Variants in RBPJ observed in about 807,000 individuals in gnomAD.
The protein encoded by RBPJ is recombining binding protein suppressor of hairless.
RBPJ carries 9 observed loss-of-function variants against 67.8 expected under a neutral mutation model. That is an observed-to-expected ratio of 0.13 (90% confidence interval 0.08 to 0.23). The LOEUF is 0.23. Among genes scored for constraint, RBPJ ranks in the 10% least tolerant of loss-of-function variants. The probability of loss-of-function intolerance (pLI) is 1.00; values close to 1 mark genes in which losing one functional copy is unlikely to be tolerated. For synonymous variants in RBPJ, 198 were observed against 203.3 expected, an observed-to-expected ratio of 0.97 and a Z score of 0.22; for missense variants, 305 against 595.6, an observed-to-expected ratio of 0.51 and a Z score of 5.08.
At chr4:26,330,878 T>A (rs937608222) in intron 1 of RBPJ, among the ~76,000 whole-genome samples, 1 of 152,246 alleles carries the variant, frequency 6.6e-6, no homozygotes, top group Non-Finnish European at 1.5e-5. Flanking sequence ...ACATACCATC[T>A]AATGGTAACT....
At chr4:26,412,798 G>A (rs1360976143) in intron 3 of RBPJ, 2 of 152,086 alleles carry the variant, frequency 1.3e-5, no homozygotes, top group Non-Finnish European at 1.5e-5. Flanking sequence ...GCCAACCTAG[G>A]TATTTGACTC....
the RBPJ span, among the ~76,000 whole-genome samples, chr4:26,143,739 C>A: frequency 6.6e-6 from 1 of 152,140 alleles, no homozygotes; most frequent in Non-Finnish European, 1.5e-5. Context: ...CCAGCCTGGA[C>A]AACATGGCAA....
chr4:26,333,749 G>C (rs114202732), intron 1 of RBPJ, among the ~76,000 whole-genome samples: 1,530 of 152,046 alleles, frequency 0.01, 22 homozygotes, highest in African/African-American at 0.032. Context: ...GAATACAGTG[G>C]CAAAATCACA....
chr4:26,155,406 T>A, the RBPJ span, among the ~76,000 whole-genome samples: 1 of 151,700 alleles, frequency 6.6e-6, no homozygotes, highest in South Asian at 2.1e-4. Flanking sequence ...CTGCTCACCT[T>A]TTTCTCTTTT....
chr4:26,297,412 GA>G (rs1721916925), intron 1 of RBPJ, among the ~76,000 whole-genome samples: 1 of 151,980 alleles, frequency 6.6e-6, no homozygotes, highest in Admixed American at 6.6e-5. Context: ...GTATGGGGGG[GA>G]TGTATAGGGA....
intron 1 of RBPJ, among the ~76,000 whole-genome samples, chr4:26,289,479 G>T (rs1317943865): frequency 6.7e-6 from 1 of 150,160 alleles, no homozygotes; most frequent in East Asian, 2.0e-4. Context: ...AATAAATTTG[G>T]TTCAGATCTT....
At chr4:26,410,572 C>G (rs1011000149) in intron 3 of RBPJ, among the ~76,000 whole-genome samples, 8 of 152,108 alleles carry the variant, frequency 5.3e-5, no homozygotes, top group African/African-American at 1.9e-4. Flanking sequence ...TAGACTGATT[C>G]TGAAGTCATA....
upstream of RBPJ, chr4:26,319,642 G>A: frequency 3.3e-6 from 2 of 611,194 alleles, no homozygotes; most frequent in South Asian, 3.8e-5. Context: ...TCCCACGGCC[G>A]TGTTGTGTCT....
intron 1 of RBPJ, among the ~76,000 whole-genome samples, chr4:26,266,886 A>G (rs777048089): frequency 5.3e-5 from 8 of 152,200 alleles, no homozygotes; most frequent in Non-Finnish European, 1.2e-4. Context: ...AAAAGTTATT[A>G]GTGTTAGTTA....
chr4:26,301,491 C>A (rs1722076107), intron 1 of RBPJ, among the ~76,000 whole-genome samples: 2 of 151,322 alleles, frequency 1.3e-5, no homozygotes, highest in South Asian at 4.2e-4. Flanking sequence ...ACTCGGGAGG[C>A]TGAGGCAGGA....
intron 1 of RBPJ, among the ~76,000 whole-genome samples, chr4:26,307,791 G>A (rs1326126544): frequency 6.6e-6 from 1 of 152,144 alleles, no homozygotes. Context: ...ATTATTTGTA[G>A]TTAAGATCTT....
rs897326152 is a variant in RBPJ, at chr4:26,302,315, A to C, written c.-166-60131A>C. Among the ~76,000 whole-genome samples, 10 of 152,312 alleles carry C rather than the reference A, an allele frequency of 6.6e-5. No individual in the cohort carries two copies. In the South Asian group the frequency reaches 1.0e-3, roughly 16 times the overall value. On this transcript the variant is annotated intron_variant, in intron 1 of 4. Transcript: ENST00000512351. ...CAGCTCCATTAAGATAGAGCCTTAA[A>C]TTGGCTGAACTTTAGAGCTGGAAGG...
the RBPJ span, among the ~76,000 whole-genome samples, chr4:26,131,122 G>A: frequency 8.3e-3 from 1,271 of 152,276 alleles, 19 homozygotes; most frequent in African/African-American, 0.028. Context: ...TATCAGAAAC[G>A]CATCATTTAC....
chr4:26,419,601 A>G (rs918762125), intron 4 of RBPJ, among the ~76,000 whole-genome samples: 1 of 152,222 alleles, frequency 6.6e-6, no homozygotes, highest in African/African-American at 2.4e-5. Flanking sequence ...TGTTTAGCTT[A>G]ATTTTAAAGT....
At chr4:26,137,331 G>A in the RBPJ span, among the ~76,000 whole-genome samples, 4 of 152,192 alleles carry the variant, frequency 2.6e-5, no homozygotes, top group Non-Finnish European at 4.4e-5. Context: ...TCTCATTGTA[G>A]AGTCTGCTGA....
At chr4:26,396,478 C>G (rs1357868399) in intron 2 of RBPJ, among the ~76,000 whole-genome samples, 2 of 152,248 alleles carry the variant, frequency 1.3e-5, no homozygotes, top group Non-Finnish European at 2.9e-5. Context: ...CTTTGATTGT[C>G]AGCACCTCAT....
At chr4:26,140,844 A>AATAC in the RBPJ span, among the ~76,000 whole-genome samples, 1 of 150,552 alleles carries the variant, frequency 6.6e-6, no homozygotes, top group Non-Finnish European at 1.5e-5. Context: ...CAAATAAATA[A>AATAC]ATAAATAAAT....
chr4:26,216,268 G>A (rs112570334), intron 1 of RBPJ, among the ~76,000 whole-genome samples: 2 of 151,982 alleles, frequency 1.3e-5, no homozygotes, highest in Middle Eastern at 3.2e-3. Flanking sequence ...TGCAAATAAG[G>A]TCACATTCCC....
intron 1 of RBPJ, among the ~76,000 whole-genome samples, chr4:26,242,352 G>A (rs1156705397): frequency 6.6e-6 from 1 of 151,936 alleles, no homozygotes; most frequent in Non-Finnish European, 1.5e-5. Context: ...GGAGGCTGAG[G>A]CGGAGAATGG....
Sources: allele counts gnomAD v4.1 joint callset (sites outside exome capture counted in the v4.1 genomes callset), GRCh38; gene constraint gnomAD v4.1.1; transcripts MANE v1.5; gene names NCBI Gene and HGNC (gene_info 2026-07-23, HGNC 2026-07-21).